Variants in CDH13 observed in about 807,000 individuals in gnomAD.
The protein encoded by CDH13 is cadherin 13.
Under a neutral mutation model 63.8 loss-of-function variants are expected in CDH13, and 24 were observed. The ratio of observed to expected loss-of-function variants is 0.38; its 90% CI spans 0.27 to 0.53. The LOEUF is 0.53. Ranked by LOEUF, CDH13 falls within the 20% of genes least tolerant of loss-of-function variation. The pLI, the probability that CDH13 is intolerant of heterozygous loss-of-function variation, is 0.85. For missense variants in CDH13, 1,049 were observed against 903.1 expected (o/e 1.16, Z -2.07); for synonymous variants, 503 against 355.3 (o/e 1.42, Z -4.67).
At chr16:83,171,537 G>C (rs1413568266) in intron 4 of CDH13, 1 of 1,534,556 alleles carries the variant, frequency 6.5e-7, no homozygotes, top group East Asian at 2.4e-5. Flanking sequence ...GATTTGGCAA[G>C]TTCTGTGCCT....
chr16:82,746,441 C>T (rs1597461626), intron 1 of CDH13, among the ~76,000 whole-genome samples: 1 of 151,908 alleles, frequency 6.6e-6, no homozygotes, highest in Admixed American at 6.6e-5. Context: ...GAAATAGATT[C>T]CAGAATTTCA....
intron 2 of CDH13, among the ~76,000 whole-genome samples, chr16:82,861,451 C>G (rs2039943191): frequency 6.6e-6 from 1 of 152,210 alleles, no homozygotes; most frequent in South Asian, 2.1e-4. Context: ...TACCCCTACC[C>G]TAGACTTGTG....
chr16:83,239,520 T>A (rs1458443462), intron 5 of CDH13, among the ~76,000 whole-genome samples: 4 of 121,984 alleles, frequency 3.3e-5, no homozygotes, highest in African/African-American at 1.3e-4. Flanking sequence ...TGGGTAATTG[T>A]CTGCAGGTGC....
At chr16:82,695,469 C>T (rs894541084) in intron 1 of CDH13, among the ~76,000 whole-genome samples, 1 of 152,130 alleles carries the variant, frequency 6.6e-6, no homozygotes, top group Non-Finnish European at 1.5e-5. Flanking sequence ...GCAGGGTTAG[C>T]ACGTGGCTCC....
chr16:82,831,796 C>T (rs1478840231), intron 1 of CDH13, among the ~76,000 whole-genome samples: 1 of 152,020 alleles, frequency 6.6e-6, no homozygotes, highest in African/African-American at 2.4e-5. Context: ...ATGACTTGGC[C>T]CCTTTGGTTT....
At chr16:83,116,120 C>T (rs1237796618) in intron 3 of CDH13, among the ~76,000 whole-genome samples, 3 of 152,200 alleles carry the variant, frequency 2.0e-5, no homozygotes, top group Non-Finnish European at 4.4e-5. Context: ...ACTTGGAGTG[C>T]GGTCCCAGCT....
chr16:82,729,948 C>G (rs1166172193), intron 1 of CDH13, among the ~76,000 whole-genome samples: 1 of 152,174 alleles, frequency 6.6e-6, no homozygotes, highest in Non-Finnish European at 1.5e-5. Flanking sequence ...ACCTCATGAA[C>G]CAAACTCTGC....
chr16:83,502,522 C>G (rs1334864558), intron 7 of CDH13, among the ~76,000 whole-genome samples: 1 of 152,162 alleles, frequency 6.6e-6, no homozygotes, highest in African/African-American at 2.4e-5. Flanking sequence ...GGTTAAGTCA[C>G]TAAGGACATG....
chr16:83,140,024 G>T (rs2036461702), intron 4 of CDH13, among the ~76,000 whole-genome samples: 1 of 152,048 alleles, frequency 6.6e-6, no homozygotes, highest in South Asian at 2.1e-4. Context: ...ATATCCCTGA[G>T]TCCCACCATT....
At chr16:83,333,113 A>G (rs956366364) in intron 5 of CDH13, among the ~76,000 whole-genome samples, 3 of 152,168 alleles carry the variant, frequency 2.0e-5, no homozygotes, top group Admixed American at 6.5e-5. Flanking sequence ...CGGGGGATAA[A>G]TGAAGGTGGA....
intron 10 of CDH13, among the ~76,000 whole-genome samples, chr16:83,714,766 A>T (rs1233383968): frequency 6.6e-6 from 1 of 152,176 alleles, no homozygotes; most frequent in Non-Finnish European, 1.5e-5. Flanking sequence ...TTTCTATAGA[A>T]GACAGAAATG....
intron 5 of CDH13, among the ~76,000 whole-genome samples, chr16:83,240,717 CTTTTTTTTTTT>C (rs56753707): frequency 2.4e-5 from 2 of 81,658 alleles, no homozygotes; most frequent in Non-Finnish European, 4.1e-5. Flanking sequence ...CTGTCTTAAT[CTTTTTTTTTTT>C]TTTTTTTTTT....
intron 6 of CDH13, among the ~76,000 whole-genome samples, chr16:83,354,538 A>G (rs1438096034): frequency 6.6e-6 from 1 of 152,210 alleles, no homozygotes; most frequent in East Asian, 1.9e-4. Flanking sequence ...TAAGCCAGAT[A>G]ATTTAAGTTT....
chr16:83,020,220 A>C (rs1318718444), intron 2 of CDH13, among the ~76,000 whole-genome samples: 7 of 152,228 alleles, frequency 4.6e-5, no homozygotes, highest in Non-Finnish European at 1.0e-4. Context: ...CCACACCTGC[A>C]TAGCTGTAGG....
At chr16:83,206,758 T>C (rs1227387986) in intron 4 of CDH13, among the ~76,000 whole-genome samples, 1 of 152,206 alleles carries the variant, frequency 6.6e-6, no homozygotes, top group Non-Finnish European at 1.5e-5. Flanking sequence ...AATTTCAAAA[T>C]TATATACTGG....
At chr16:83,050,743 G>A (rs2030225760) in intron 3 of CDH13, among the ~76,000 whole-genome samples, 1 of 152,116 alleles carries the variant, frequency 6.6e-6, no homozygotes, top group Non-Finnish European at 1.5e-5. Context: ...GGTTAACTGT[G>A]TGTTTCTGAA....
intron 6 of CDH13, among the ~76,000 whole-genome samples, chr16:83,408,624 A>G (rs11149566): frequency 0.22 from 33,158 of 152,240 alleles, 3,798 homozygotes; most frequent in Middle Eastern, 0.3. Context: ...CAACTTTCCT[A>G]TATGTGGCCC....
chr16:82,955,483 CT>C (rs1352694526), intron 2 of CDH13, among the ~76,000 whole-genome samples: 1 of 152,226 alleles, frequency 6.6e-6, no homozygotes, highest in Non-Finnish European at 1.5e-5. Flanking sequence ...GTTAACCCTA[CT>C]GGGTGTAGTG....
chr16:83,272,533 C>T (rs1455790852), intron 5 of CDH13, among the ~76,000 whole-genome samples: 1 of 152,152 alleles, frequency 6.6e-6, no homozygotes, highest in Non-Finnish European at 1.5e-5. Flanking sequence ...TATGGATGTC[C>T]TTATAGATTT....
Sources: gnomAD v4.1 joint callset for allele counts (sites outside exome capture counted in the v4.1 genomes callset) on GRCh38, gnomAD v4.1.1 for gene constraint, MANE v1.5 for transcripts, NCBI Gene and HGNC (gene_info 2026-07-23, HGNC 2026-07-21) for gene names.